ADCY9: variants seen among roughly 807,000 people sequenced by gnomAD.
ADCY9 encodes adenylate cyclase type 9.
Under a neutral mutation model 101.5 loss-of-function variants are expected in ADCY9, and 50 were observed. That is an observed-to-expected ratio of 0.49 (90% CI 0.39 to 0.62). ADCY9 has a LOEUF of 0.62. ADCY9 is among the 20% of genes least tolerant of loss of function. ADCY9 has a pLI of 0.00. For missense variants in ADCY9, 1,662 were observed against 1,800.4 expected, an observed-to-expected ratio of 0.92 and a Z score of 1.39; for synonymous variants, 905 against 769.3, an observed-to-expected ratio of 1.18 and a Z score of -2.92.
chr16:3,966,091 C>G lies in ADCY9; in HGVS notation c.3746G>C (p.Arg1249Thr), dbSNP rs746758399. The part of the protein sequence containing the change: ...TYLYPKCTDH[R>T]VIPQHQLSIS... ...GGACAGCTGGTGCTGTGGGATGACC[C>G]TGTGATCCGTGCACTTTGGGTACAG... Residue 1249 changes from arginine (R) to threonine (T), a missense_variant, in exon 11 of 11, where the codon AGG becomes ACG. Transcript: ENST00000294016. 6.2e-7 allele frequency: 1 copy of G among 1,614,244 alleles called. No individual in the cohort carries two copies. Among genetic ancestry groups the G allele is most frequent in the Non-Finnish European group, 8.5e-7 (1 of 1,180,054 alleles).
chr16:4,089,174 A>C (rs1480281207), intron 2 of ADCY9, among the ~76,000 whole-genome samples: 1 of 151,758 alleles, frequency 6.6e-6, no homozygotes, highest in Non-Finnish European at 1.5e-5. Flanking sequence ...TCCTGGGCTC[A>C]GGTGATCCTC....
At chr16:4,049,803 T>C (rs2056689059) in intron 2 of ADCY9, among the ~76,000 whole-genome samples, 1 of 152,182 alleles carries the variant, frequency 6.6e-6, no homozygotes, top group Non-Finnish European at 1.5e-5. Flanking sequence ...TTTTTCTGTT[T>C]AGGCTACTGC....
At chr16:4,032,489 G>T (rs2056562602) in intron 2 of ADCY9, among the ~76,000 whole-genome samples, 1 of 150,742 alleles carries the variant, frequency 6.6e-6, no homozygotes, top group Admixed American at 6.7e-5. Flanking sequence ...TATTTTACGT[G>T]GTCTTCCATC....
At chr16:4,112,541 G>A (rs1037366159) in intron 2 of ADCY9, among the ~76,000 whole-genome samples, 2 of 152,088 alleles carry the variant, frequency 1.3e-5, no homozygotes, top group Admixed American at 6.6e-5. Context: ...ACCACTGGAC[G>A]TCTCTGACTG....
rs2056157017 is a variant in ADCY9, at chr16:3,983,014, G to A, written c.2519+218C>T. On this transcript the variant is annotated intron_variant, in intron 7 of 10. Coordinates refer to ENST00000294016, the MANE Select transcript of ADCY9 (RefSeq NM_001116.4). ...CAGCGGTTGGGGCTGTGGAGGCACCGCCCCCTCCAGCGAGGTGGTCCCCCC... is the reference window on the plus strand; with the variant it reads ...CAGCGGTTGGGGCTGTGGAGGCACCACCCCCTCCAGCGAGGTGGTCCCCCC... 15 of 582,476 alleles carry A rather than the reference G, an allele frequency of 2.6e-5. No homozygotes were observed. The Admixed American group carries it at 2.7e-4, about 11-fold the overall frequency. 36.1% of individuals were successfully genotyped at this position (582,476 alleles called of 1,614,324 possible).
intron 2 of ADCY9, among the ~76,000 whole-genome samples, chr16:4,057,776 T>C (rs1009701109): frequency 6.6e-6 from 1 of 152,132 alleles, no homozygotes; most frequent in African/African-American, 2.4e-5. Context: ...TCTCGATGTG[T>C]GAGCACTGTG....
chr16:4,104,885 T>A (rs535608524), intron 2 of ADCY9, among the ~76,000 whole-genome samples: 1 of 152,004 alleles, frequency 6.6e-6, no homozygotes, highest in East Asian at 2.0e-4. Flanking sequence ...GTGGCTAACA[T>A]GCTGAAACCC....
At chr16:4,045,192 G>C (rs1184778019) in intron 2 of ADCY9, among the ~76,000 whole-genome samples, 2 of 152,032 alleles carry the variant, frequency 1.3e-5, no homozygotes, top group Non-Finnish European at 2.9e-5. Context: ...GTAGACACTT[G>C]ACAAATATTT....
intron 2 of ADCY9, among the ~76,000 whole-genome samples, chr16:4,012,287 C>T (rs1026415922): frequency 6.6e-6 from 1 of 152,170 alleles, no homozygotes; most frequent in African/African-American, 2.4e-5. Context: ...ATCACCCTGA[C>T]AGGTAAGGCA....
In ADCY9 at chr16:3,966,525, G is replaced by T; in HGVS notation, c.3312C>A (p.Ile1104=). 6.2e-7 allele frequency: 1 copy of T among 1,614,148 alleles called. No individual in the cohort carries two copies. Among genetic ancestry groups the T allele is most frequent in the Non-Finnish European group, 8.5e-7 (1 of 1,180,042 alleles). ...ELLSKPDYSS[I]EKIKTIGATY... Reference sequence around the variant, plus strand: ...TGGCTCCGATGGTCTTGATCTTCTCGATGCTGCTGTAGTCCGGCTTGCTTA... The same window carrying T: ...TGGCTCCGATGGTCTTGATCTTCTCTATGCTGCTGTAGTCCGGCTTGCTTA... Residue 1104 remains isoleucine, a synonymous_variant, in exon 11 of 11, where the codon ATC becomes ATA. Transcript: ENST00000294016.
At chr16:3,954,732 T>G (rs978339856) in intron 5 of ADCY9, among the ~76,000 whole-genome samples, 8 of 151,988 alleles carry the variant, frequency 5.3e-5, no homozygotes, top group African/African-American at 9.7e-5. Context: ...GCCGCAACAC[T>G]GGAGTCCACA....
chr16:4,053,779 C>G (rs1342401571), intron 2 of ADCY9, among the ~76,000 whole-genome samples: 2 of 152,142 alleles, frequency 1.3e-5, no homozygotes, highest in Admixed American at 6.5e-5. Context: ...CCTGCTCATG[C>G]CAACTTCAAA....
chr16:4,108,862 C>T (rs1355616848), intron 2 of ADCY9, among the ~76,000 whole-genome samples: 1 of 152,022 alleles, frequency 6.6e-6, no homozygotes, highest in East Asian at 1.9e-4. Context: ...CCTGCCACCA[C>T]ACCTGGTTAA....
intron 6 of ADCY9, among the ~76,000 whole-genome samples, chr16:3,985,533 CA>C (rs2141693581): frequency 6.6e-6 from 1 of 152,288 alleles, no homozygotes; most frequent in South Asian, 2.1e-4. Flanking sequence ...TAGTGCCCGT[CA>C]GGGGTTCGAG....
intron 2 of ADCY9, among the ~76,000 whole-genome samples, chr16:4,021,972 C>A (rs182759795): frequency 2.0e-5 from 3 of 152,324 alleles, no homozygotes; most frequent in Admixed American, 2.0e-4. Context: ...GCAATGTCCT[C>A]TTTTCCATCA....
chr16:4,114,703 C>T lies in ADCY9; in HGVS notation c.740G>A (p.Cys247Tyr). The change falls in exon 2 of 11, where the codon TGT becomes TAT. Residue 247 changes from cysteine (C) to tyrosine (Y), a missense_variant. Cys to Tyr is a radical substitution (Grantham distance 194). Transcript: ENST00000294016. The surrounding 1 kb of genome is among the most constrained non-coding windows in gnomAD (Gnocchi z 4.3). ...AAGGACAGAGTAGGCCACCCCCAGA[C>T]ACAAACTCAGGTACAAAGGTAAGTG... ...VMHLPLYLSLCLGVAYSVLFE... is the reference protein window; with the variant it reads ...VMHLPLYLSLYLGVAYSVLFE... 6.2e-7 allele frequency: 1 copy of T among 1,613,164 alleles called. No individual in the cohort carries two copies. The highest frequency in any genetic ancestry group is 8.5e-7 in the Non-Finnish European group (1 of 1,180,022).
At chr16:3,960,025 C>CA (rs1048658149), downstream of ADCY9, among the ~76,000 whole-genome samples, 13 of 151,046 alleles carry the variant, frequency 8.6e-5, no homozygotes, top group African/African-American at 1.5e-4. Flanking sequence ...GACTCTGTCT[C>CA]AAAAAAAATA....
intron 2 of ADCY9, among the ~76,000 whole-genome samples, chr16:4,078,200 A>T (rs1213626819): frequency 6.6e-6 from 1 of 152,204 alleles, no homozygotes; most frequent in African/African-American, 2.4e-5. Context: ...CAGCAACTCT[A>T]TTCATAATAG....
At chr16:4,087,967 A>T in intron 2 of ADCY9, among the ~76,000 whole-genome samples, 1 of 145,138 alleles carries the variant, frequency 6.9e-6, no homozygotes, top group South Asian at 2.2e-4. Context: ...ACAGAGTCTC[A>T]CTCTGTCACC....
Sources: gnomAD v4.1 joint callset for allele counts (sites outside exome capture counted in the v4.1 genomes callset) on GRCh38, gnomAD v4.1.1 for gene constraint, Gnocchi (gnomAD v3.1) non-coding constraint, MANE v1.5 for transcripts, NCBI Gene and HGNC (gene_info 2026-07-23, HGNC 2026-07-21) for gene names.